Variants in CELF4 observed in about 807,000 individuals in gnomAD.
CELF4 encodes CUGBP Elav-like family member 4.
A neutral mutation model predicts 59.9 loss-of-function variants in CELF4; 18 were observed. That is an observed-to-expected ratio of 0.30 (90% confidence interval 0.21 to 0.45). The LOEUF (loss-of-function observed/expected upper bound fraction) is 0.45. CELF4 is among the 20% of genes least tolerant of loss of function. The pLI is 1.00. For missense variants in CELF4, 456 were observed against 689.0 expected, an observed-to-expected ratio of 0.66 and a Z score of 3.79; for synonymous variants, 261 against 267.1, an observed-to-expected ratio of 0.98 and a Z score of 0.22.
At chr18:37,334,161 T>G (rs2097676318) in intron 2 of CELF4, among the ~76,000 whole-genome samples, 1 of 152,152 alleles carries the variant, frequency 6.6e-6, no homozygotes, top group African/African-American at 2.4e-5. Context: ...GATGGCCAGT[T>G]CTAGTGATTA....
At chr18:37,527,289 G>A (rs1487777105) in intron 1 of CELF4, among the ~76,000 whole-genome samples, 4 of 151,820 alleles carry the variant, frequency 2.6e-5, no homozygotes, top group Non-Finnish European at 5.9e-5. Context: ...TTTGGATCCA[G>A]CACTAGAGAA....
intron 2 of CELF4, among the ~76,000 whole-genome samples, chr18:37,345,409 C>A (rs1288537824): frequency 1.3e-5 from 2 of 152,096 alleles, no homozygotes; most frequent in Non-Finnish European, 2.9e-5. Context: ...AAGAGCTGGG[C>A]CCTGGGCACA....
chr18:37,528,606 C>A (rs1402992729), intron 1 of CELF4, among the ~76,000 whole-genome samples: 1 of 152,130 alleles, frequency 6.6e-6, no homozygotes, highest in Non-Finnish European at 1.5e-5. Context: ...TTCCAGTTTC[C>A]ACAACAGAAA....
At chr18:37,360,100 G>T (rs183013984) in intron 2 of CELF4, among the ~76,000 whole-genome samples, 1 of 148,948 alleles carries the variant, frequency 6.7e-6, no homozygotes, top group South Asian at 2.2e-4. Context: ...CAATCCACCC[G>T]CCTCGGCCTC....
intron 2 of CELF4, among the ~76,000 whole-genome samples, chr18:37,444,901 A>C (rs1432048992): frequency 3.3e-5 from 5 of 152,198 alleles, no homozygotes; most frequent in Admixed American, 3.3e-4. Flanking sequence ...GGGAGTTTCC[A>C]GGAGAGGGTG....
intron 2 of CELF4, among the ~76,000 whole-genome samples, chr18:37,384,199 A>T (rs1750883609): frequency 6.6e-6 from 1 of 152,078 alleles, no homozygotes; most frequent in Admixed American, 6.6e-5. Flanking sequence ...CAGGCTTGTT[A>T]TCTCATTTAT....
intron 1 of CELF4, among the ~76,000 whole-genome samples, chr18:37,521,773 C>T (rs1358972074): frequency 7.2e-5 from 11 of 152,314 alleles, no homozygotes; most frequent in East Asian, 3.9e-4. Flanking sequence ...TGGCCTCTCC[C>T]GTCTGCCTGT....
At chr18:37,332,914 T>G (rs523307) in intron 2 of CELF4, among the ~76,000 whole-genome samples, 2 of 152,066 alleles carry the variant, frequency 1.3e-5, no homozygotes, top group East Asian at 3.9e-4. Context: ...TTGCTGCTCC[T>G]GTGAACACGC....
chr18:37,501,669 G>A (rs754043425), intron 1 of CELF4, among the ~76,000 whole-genome samples: 1 of 152,254 alleles, frequency 6.6e-6, no homozygotes, highest in Non-Finnish European at 1.5e-5. Flanking sequence ...GGGCATCTGG[G>A]GAACCTTCCT....
intron 9 of CELF4, among the ~76,000 whole-genome samples, chr18:37,265,003 A>G (rs891811885): frequency 6.7e-6 from 1 of 150,002 alleles, no homozygotes; most frequent in African/African-American, 2.5e-5. Flanking sequence ...ACATGCATAC[A>G]TGCATGTACG....
At chr18:37,518,498 A>G (rs2099953486) in intron 1 of CELF4, among the ~76,000 whole-genome samples, 1 of 152,148 alleles carries the variant, frequency 6.6e-6, no homozygotes, top group Admixed American at 6.5e-5. Flanking sequence ...TCAGGGAGAG[A>G]AAACAATCTC....
chr18:37,386,317 CAACATCAG>C (rs1370883359), intron 2 of CELF4, among the ~76,000 whole-genome samples: 2 of 152,290 alleles, frequency 1.3e-5, no homozygotes, highest in East Asian at 3.9e-4. Flanking sequence ...ACAGAGGTGG[CAACATCAG>C]AATGAGGTAA....
chr18:37,300,094 G>A (rs565562354), intron 3 of CELF4, among the ~76,000 whole-genome samples: 2 of 152,272 alleles, frequency 1.3e-5, no homozygotes, highest in Admixed American at 1.3e-4. Flanking sequence ...GGGGTCTTCC[G>A]CCTTCACTTC....
At chr18:37,333,142 C>G (rs2097609904) in intron 2 of CELF4, among the ~76,000 whole-genome samples, 1 of 152,228 alleles carries the variant, frequency 6.6e-6, no homozygotes, top group Non-Finnish European at 1.5e-5. Flanking sequence ...TCGGTCTTAG[C>G]TCTGCCATAT....
chr18:37,506,854 G>A (rs907198746), intron 1 of CELF4, among the ~76,000 whole-genome samples: 45 of 152,188 alleles, frequency 3.0e-4, no homozygotes, highest in Non-Finnish European at 8.8e-5. Flanking sequence ...GCACTTTTCT[G>A]CTTCCTAAGC....
At chr18:37,397,979 A>C (rs2099266492) in intron 2 of CELF4, among the ~76,000 whole-genome samples, 1 of 151,998 alleles carries the variant, frequency 6.6e-6, no homozygotes, top group African/African-American at 2.4e-5. Flanking sequence ...TATCCTGACG[A>C]TAGGGCTGCC....
intron 1 of CELF4, among the ~76,000 whole-genome samples, chr18:37,563,040 C>T (rs116793745): frequency 2.0e-3 from 297 of 151,458 alleles, no homozygotes; most frequent in African/African-American, 6.5e-3. Context: ...GGAATTCTGG[C>T]CAGATTTTAT....
intron 1 of CELF4, among the ~76,000 whole-genome samples, chr18:37,502,189 G>A (rs1254945196): frequency 6.6e-6 from 1 of 152,154 alleles, no homozygotes; most frequent in African/African-American, 2.4e-5. Context: ...CTTTTGGGGA[G>A]TAGTTTTCTT....
chr18:37,527,357 C>A (rs1395438792), intron 1 of CELF4, among the ~76,000 whole-genome samples: 3 of 151,958 alleles, frequency 2.0e-5, no homozygotes, highest in African/African-American at 7.2e-5. Context: ...TAAAGTTATT[C>A]TTGGAATAAA....
Sources: gnomAD v4.1 joint callset for allele counts (sites outside exome capture counted in the v4.1 genomes callset) on GRCh38, gnomAD v4.1.1 for gene constraint, MANE v1.5 for transcripts, NCBI Gene and HGNC (gene_info 2026-07-23, HGNC 2026-07-21) for gene names.